IL1RAP: variants seen among roughly 807,000 people sequenced by gnomAD.
IL1RAP encodes the protein interleukin 1 receptor accessory protein, also known as interleukin-1 receptor accessory protein.
A neutral mutation model predicts 60.7 loss-of-function variants in IL1RAP; 35 were observed. That is an observed-to-expected ratio of 0.58 (90% CI 0.44 to 0.76). The LOEUF is 0.76. IL1RAP is among the 30% of genes least tolerant of loss of function. The pLI is 0.00. For missense variants in IL1RAP, 572 were observed against 693.9 expected (o/e 0.82, Z 1.97); for synonymous variants, 268 against 250.9 (o/e 1.07, Z -0.64).
chr3:190,636,568 G>A (rs942041747), intron 9 of IL1RAP, among the ~76,000 whole-genome samples: 1 of 151,676 alleles, frequency 6.6e-6, no homozygotes, highest in African/African-American at 2.4e-5. Flanking sequence ...GAGGGACGGA[G>A]TCTTGCTCTG....
intron 1 of IL1RAP, among the ~76,000 whole-genome samples, chr3:190,552,105 T>C (rs1724915345): frequency 6.6e-6 from 1 of 152,162 alleles, no homozygotes; most frequent in South Asian, 2.1e-4. Flanking sequence ...AAAGACAATT[T>C]TGTAACTAAA....
chr3:190,638,484 G>A (rs990946001), intron 9 of IL1RAP, among the ~76,000 whole-genome samples: 1 of 151,988 alleles, frequency 6.6e-6, no homozygotes, highest in Non-Finnish European at 1.5e-5. Flanking sequence ...AATCTTAGCT[G>A]TTCTTCATCT....
chr3:190,617,782 T>A (rs1279552082), intron 5 of IL1RAP, among the ~76,000 whole-genome samples: 2 of 152,078 alleles, frequency 1.3e-5, no homozygotes, highest in Admixed American at 6.6e-5. Flanking sequence ...AGAGACAGAG[T>A]TGCTGATAAG....
chr3:190,531,321 T>A (rs1162948880), intron 1 of IL1RAP, among the ~76,000 whole-genome samples: 1 of 152,208 alleles, frequency 6.6e-6, no homozygotes, highest in South Asian at 2.1e-4. Context: ...AAGATCTCTT[T>A]CCACCCAAAG....
rs41372847 is a variant in IL1RAP at position 190,648,962 on chromosome 3, G to A, written c.*257G>A. 7 of 1,200,984 alleles carry A rather than the reference G, an allele frequency of 5.8e-6. No homozygotes were observed. The highest frequency in any genetic ancestry group is 3.4e-4 in the Middle Eastern group (1 of 2,978). 74.4% of individuals were successfully genotyped at this position (1,200,984 alleles called of 1,614,324 possible). On this transcript the variant is annotated 3_prime_UTR_variant, in exon 12 of 12. Coordinates refer to ENST00000447382, the MANE Select transcript of IL1RAP (RefSeq NM_002182.4). ...TTGCAGGCAAAGACTTGTTCAATGCGAATTTCCCCTTCTACATTGTCTATC... is the reference window on the plus strand; with the variant it reads ...TTGCAGGCAAAGACTTGTTCAATGCAAATTTCCCCTTCTACATTGTCTATC...
At chr3:190,565,166 GA>G (rs1204423353) in intron 3 of IL1RAP, among the ~76,000 whole-genome samples, 131 of 137,782 alleles carry the variant, frequency 9.5e-4, no homozygotes, top group Middle Eastern at 7.6e-3. Context: ...CTGTAGGACT[GA>G]AAAAAAAAAA....
rs1734298571 is a variant in IL1RAP, at chr3:190,649,992, AT to A, written c.*1289del. On this transcript the variant is annotated 3_prime_UTR_variant, in exon 12 of 12. Coordinates refer to ENST00000447382, the MANE Select transcript of IL1RAP (RefSeq NM_002182.4). ...ATATCTTATATCTCCACAAACACAA[AT>A]TATATATATACATATCCACACACAT... The A allele has an allele frequency of 6.4e-6, 4 of 626,774 alleles. No individual in the cohort carries two copies. In the African/African-American group the frequency reaches 8.0e-5, roughly 13 times the overall value. The allele number at this position is 626,774 out of a possible 1,614,324, so 38.8% of individuals were successfully genotyped here.
At chr3:190,514,963 G>C (rs541424292) in intron 1 of IL1RAP, among the ~76,000 whole-genome samples, 1 of 152,316 alleles carries the variant, frequency 6.6e-6, no homozygotes, top group South Asian at 2.1e-4. Context: ...CTGAGTTAAA[G>C]AGAAAATCAC....
intron 3 of IL1RAP, among the ~76,000 whole-genome samples, chr3:190,592,298 A>G (rs1387660152): frequency 6.6e-6 from 1 of 152,208 alleles, no homozygotes; most frequent in African/African-American, 2.4e-5. Context: ...GTGGGCTTCT[A>G]TCCCCTGGTG....
rs147197810 is a variant in IL1RAP at position 190,639,539 on chromosome 3, A to C, written c.1052-4709A>C. Among the ~76,000 whole-genome samples, 1,136 of 152,358 alleles carry C rather than the reference A, an allele frequency of 7.5e-3. 6 individuals are homozygous for C. The highest frequency in any genetic ancestry group is 0.028 in the South Asian group (134 of 4,832). On this transcript the variant is annotated intron_variant, in intron 9 of 11. Coordinates refer to ENST00000447382, the MANE Select transcript of IL1RAP (RefSeq NM_002182.4). ...TTTTAAAAAAATTGAACAAATACAC[A>C]TAGAATACTCATTTTTAGGTGTTTA...
intron 1 of IL1RAP, among the ~76,000 whole-genome samples, chr3:190,545,485 A>G (rs539346152): frequency 1.2e-4 from 19 of 152,348 alleles, no homozygotes; most frequent in Admixed American, 2.6e-4. Flanking sequence ...GGAGACAGCT[A>G]CAGATCAATG....
chr3:190,571,426 G>A (rs1476699145), intron 3 of IL1RAP, among the ~76,000 whole-genome samples: 3 of 152,092 alleles, frequency 2.0e-5, no homozygotes, highest in Non-Finnish European at 4.4e-5. Flanking sequence ...TGAGGTGGGA[G>A]GATCACTTGA....
At chr3:190,610,803 A>G (rs1302628689) in intron 5 of IL1RAP, among the ~76,000 whole-genome samples, 1 of 152,206 alleles carries the variant, frequency 6.6e-6, no homozygotes, top group Non-Finnish European at 1.5e-5. Flanking sequence ...TTAAGTTGTT[A>G]ATGATACAAT....
downstream of IL1RAP, chr3:190,656,462 A>T (rs1444090886): frequency 1.3e-6 from 2 of 1,537,054 alleles, no homozygotes; most frequent in South Asian, 1.2e-5. Flanking sequence ...TGGGAGACAC[A>T]CCTCTGTAAG....
intron 6 of IL1RAP, among the ~76,000 whole-genome samples, chr3:190,622,509 C>T (rs1357227155): frequency 3.3e-5 from 5 of 152,132 alleles, no homozygotes; most frequent in Non-Finnish European, 5.9e-5. Flanking sequence ...AATAGGTTCC[C>T]GCGTTACCCA....
chr3:190,562,328 G>A (rs1725961506), intron 2 of IL1RAP, among the ~76,000 whole-genome samples: 1 of 151,204 alleles, frequency 6.6e-6, no homozygotes, highest in South Asian at 2.1e-4. Flanking sequence ...ACACTTATCT[G>A]TTCCTCTCTA....
chr3:190,546,315 C>T (rs1016351018), intron 1 of IL1RAP, among the ~76,000 whole-genome samples: 4 of 152,136 alleles, frequency 2.6e-5, no homozygotes, highest in African/African-American at 7.2e-5. Flanking sequence ...CATCACAGAA[C>T]GCTACCTGTC....
At chr3:190,637,044 A>T (rs1733280484) in intron 9 of IL1RAP, among the ~76,000 whole-genome samples, 2 of 152,140 alleles carry the variant, frequency 1.3e-5, no homozygotes, top group South Asian at 4.1e-4. Flanking sequence ...TTTATGAGAA[A>T]CTTACTATGG....
chr3:190,648,636 G>A lies in IL1RAP; in HGVS notation c.1644G>A (p.Val548=). The part of the protein sequence containing the change: ...FWKQLQVAMP[V]KKSPRRSSSD... ...AGCAGCTGCAGGTGGCCATGCCAGT[G>A]AAGAAAAGTCCCAGGCGGTCTAGCA... The change falls in exon 12 of 12, where the codon GTG becomes GTA. Residue 548 remains valine, a synonymous_variant. Transcript: ENST00000447382. The A allele has an allele frequency of 6.2e-7, 1 of 1,614,166 alleles. No individual in the cohort carries two copies. The highest frequency in any genetic ancestry group is 8.5e-7 in the Non-Finnish European group (1 of 1,180,030).
Sources: allele counts gnomAD v4.1 joint callset (sites outside exome capture counted in the v4.1 genomes callset), GRCh38; gene constraint gnomAD v4.1.1; transcripts MANE v1.5; gene names NCBI Gene and HGNC (gene_info 2026-07-23, HGNC 2026-07-21).